Variants in MAML3 observed in about 807,000 individuals in gnomAD.
MAML3 encodes mastermind-like protein 3.
MAML3 carries 27 observed loss-of-function variants against 101.9 expected under a neutral mutation model. The observed-to-expected ratio is 0.27, with a 90% CI of 0.20 to 0.37. MAML3 has a LOEUF of 0.37. MAML3 is among the 10% of genes least tolerant of loss of function. The probability of loss-of-function intolerance (pLI) is 1.00; values close to 1 mark genes in which losing one functional copy is unlikely to be tolerated. For synonymous variants in MAML3, 501 were observed against 555.9 expected (o/e 0.90, Z 1.39); for missense variants, 1,316 against 1,444.9 (o/e 0.91, Z 1.45).
intron 2 of MAML3, among the ~76,000 whole-genome samples, chr4:139,781,531 A>ATAT (rs1578598228): frequency 6.7e-6 from 1 of 149,146 alleles, no homozygotes; most frequent in Admixed American, 6.7e-5. Flanking sequence ...ATATATATAT[A>ATAT]GTCTGTACAG....
At chr4:139,810,275 C>T (rs1730774219) in intron 2 of MAML3, among the ~76,000 whole-genome samples, 1 of 150,612 alleles carries the variant, frequency 6.6e-6, no homozygotes, top group Non-Finnish European at 1.5e-5. Context: ...TCGCTGCAGC[C>T]TCAAACTCCT....
chr4:140,126,763 G>A (rs889007936), intron 1 of MAML3, among the ~76,000 whole-genome samples: 15 of 152,184 alleles, frequency 9.9e-5, no homozygotes, highest in East Asian at 1.9e-4. Context: ...CCCATTAAAC[G>A]TCGCATGTCC....
chr4:140,106,555 T>TA (rs1420607926), intron 1 of MAML3, among the ~76,000 whole-genome samples: 1 of 152,216 alleles, frequency 6.6e-6, no homozygotes, highest in South Asian at 2.1e-4. Context: ...CTTTCTTATT[T>TA]AAAAAAATCA....
chr4:139,947,867 T>C (rs1162372823), intron 1 of MAML3, among the ~76,000 whole-genome samples: 3 of 152,096 alleles, frequency 2.0e-5, no homozygotes, highest in African/African-American at 7.2e-5. Flanking sequence ...TTTGGGATGC[T>C]GGGGTGGGCG....
At position 139,935,212 on chromosome 4, in the gene MAML3, T is replaced by C. The variant is rs1306501773; in HGVS notation, c.469-44245A>G. Among the ~76,000 whole-genome samples, 5 of 143,770 alleles carry C rather than the reference T, an allele frequency of 3.5e-5. 1 individual carries two copies. Among genetic ancestry groups the C allele is most frequent in the African/African-American group, 1.4e-4 (5 of 36,476 alleles). The allele number at this position is 143,770 out of a possible 152,430, so 94.3% of individuals were successfully genotyped here. On this transcript the variant is annotated intron_variant, in intron 1 of 4. Transcript: ENST00000509479. ...GTTACATGGCAACCATCAAGACACC[T>C]CTTTTTTTTTTTTTTTTCGGACTGA...
intron 1 of MAML3, among the ~76,000 whole-genome samples, chr4:139,954,780 G>A (rs1402398605): frequency 1.3e-5 from 2 of 152,054 alleles, no homozygotes; most frequent in South Asian, 2.1e-4. Context: ...TCAGCCTTTC[G>A]AGTATCTGGG....
At position 139,785,790 on chromosome 4, in the gene MAML3, C is replaced by T. The variant is rs1375487669; in HGVS notation, c.2080-55123G>A. ...CCTTGATTGGCAAGTGAGCAGGGGG[C>T]AGCTTGTGGTTTGGAAGCTTCTCAT... On this transcript the variant is annotated intron_variant, in intron 2 of 4. Coordinates refer to ENST00000509479, the MANE Select transcript of MAML3 (RefSeq NM_018717.5). This position sits in a 1 kb window ranked among gnomAD's most constrained non-coding sequence, Gnocchi z 4.3. 6.6e-6 allele frequency among the ~76,000 whole-genome samples: 1 copy of T among 152,084 alleles called. No homozygotes were observed. The highest frequency in any genetic ancestry group is 1.5e-5 in the Non-Finnish European group (1 of 68,026).
intron 2 of MAML3, among the ~76,000 whole-genome samples, chr4:139,865,283 A>T (rs1731874662): frequency 6.6e-6 from 1 of 152,146 alleles, no homozygotes; most frequent in Non-Finnish European, 1.5e-5. Flanking sequence ...TAGGGGATAC[A>T]ATAAGGTGGA....
intron 2 of MAML3, among the ~76,000 whole-genome samples, chr4:139,810,459 G>A (rs1004566063): frequency 6.6e-6 from 1 of 151,980 alleles, no homozygotes; most frequent in African/African-American, 2.4e-5. Flanking sequence ...CAAAGTGTTG[G>A]AATTACAGGC....
intron 2 of MAML3, among the ~76,000 whole-genome samples, chr4:139,758,237 G>A (rs1231002713): frequency 6.6e-6 from 1 of 152,160 alleles, no homozygotes; most frequent in African/African-American, 2.4e-5. Context: ...AGAGGCGTCT[G>A]CATTTCCTGA....
chr4:140,067,728 T>A (rs1408033030), intron 1 of MAML3, among the ~76,000 whole-genome samples: 1 of 121,956 alleles, frequency 8.2e-6, no homozygotes, highest in Non-Finnish European at 1.7e-5. Flanking sequence ...ATCTTAATCT[T>A]TTTTTTTTTT....
chr4:139,801,495 T>C (rs1730602340), intron 2 of MAML3, among the ~76,000 whole-genome samples: 1 of 152,070 alleles, frequency 6.6e-6, no homozygotes, highest in African/African-American at 2.4e-5. Flanking sequence ...GCATAAAACA[T>C]GGGCTGAGAA....
At chr4:139,868,767 G>T (rs1731948649) in intron 2 of MAML3, among the ~76,000 whole-genome samples, 1 of 151,682 alleles carries the variant, frequency 6.6e-6, no homozygotes, top group Non-Finnish European at 1.5e-5. Context: ...TGTGTCAAAA[G>T]AAATAGAATG....
rs185338440 is a variant in MAML3, at chr4:139,796,140, G to A, written c.2080-65473C>T. Among the ~76,000 whole-genome samples, 31 of 152,308 alleles carry A rather than the reference G, an allele frequency of 2.0e-4. No homozygotes were observed. The East Asian group carries it at 4.2e-3, about 21-fold the overall frequency. On this transcript the variant is annotated intron_variant, in intron 2 of 4. Coordinates refer to ENST00000509479, the MANE Select transcript of MAML3 (RefSeq NM_018717.5). ...ATTTCTGTAATTTTGTATAAACAAAGGATAAGATCTGTCTCTGACACTGGA... is the reference window on the plus strand; with the variant it reads ...ATTTCTGTAATTTTGTATAAACAAAAGATAAGATCTGTCTCTGACACTGGA...
chr4:139,808,930 G>A lies in MAML3; in HGVS notation c.2080-78263C>T, dbSNP rs191831295. Reference sequence around the variant, plus strand: ...AGCTAGTGGCAGTGGCACAGGGTGTGTTTGTGAGTGTGCATGTGTGTGTGT... The same window carrying A: ...AGCTAGTGGCAGTGGCACAGGGTGTATTTGTGAGTGTGCATGTGTGTGTGT... On this transcript the variant is annotated intron_variant, in intron 2 of 4. Transcript: ENST00000509479. Among the ~76,000 whole-genome samples the A allele has an allele frequency of 4.6e-5, 7 of 152,276 alleles. No individual in the cohort carries two copies. The East Asian group carries it at 7.7e-4, about 17-fold the overall frequency.
At chr4:139,790,366 A>G (rs1265069935) in intron 2 of MAML3, among the ~76,000 whole-genome samples, 3 of 150,842 alleles carry the variant, frequency 2.0e-5, no homozygotes, top group Non-Finnish European at 2.9e-5. Context: ...TTATGTACAG[A>G]ACAAACCACT....
At chr4:139,756,877 G>T (rs1171695343) in intron 2 of MAML3, among the ~76,000 whole-genome samples, 1 of 152,110 alleles carries the variant, frequency 6.6e-6, no homozygotes, top group African/African-American at 2.4e-5. Flanking sequence ...TTTTATGGAG[G>T]TTCTCTTAAC....
At chr4:140,069,278 C>T (rs183199864) in intron 1 of MAML3, among the ~76,000 whole-genome samples, 126 of 151,514 alleles carry the variant, frequency 8.3e-4, no homozygotes, top group Admixed American at 1.6e-3. Context: ...GTCAAGATTG[C>T]GCCACTGCAT....
rs747856178 is a variant in MAML3, at chr4:140,153,961, GA to G, written c.-635del. Reference sequence around the variant, plus strand: ...TAGATATCGAATCCTCGGGCTGGGGGAAGTAAACACATGGACAGTCCGAGGC... The same window carrying G: ...TAGATATCGAATCCTCGGGCTGGGGGAGTAAACACATGGACAGTCCGAGGC... On this transcript the variant is annotated 5_prime_UTR_variant, in exon 1 of 5. An upstream open reading frame in the 5' UTR loses its in-frame stop. Coordinates refer to ENST00000509479, the MANE Select transcript of MAML3 (RefSeq NM_018717.5). 1 of 153,636 alleles carries G rather than the reference GA, an allele frequency of 6.5e-6. No individual in the cohort carries two copies. Among genetic ancestry groups the G allele is most frequent in the Non-Finnish European group, 1.5e-5 (1 of 68,416 alleles). 9.5% of individuals were successfully genotyped at this position (153,636 alleles called of 1,614,324 possible). A position where few individuals can be genotyped will look rare whatever the true frequency, so the allele number is the denominator to read the frequency against.
Sources: gnomAD v4.1 joint callset for allele counts (sites outside exome capture counted in the v4.1 genomes callset) on GRCh38, gnomAD v4.1.1 for gene constraint, Gnocchi (gnomAD v3.1) non-coding constraint, MANE v1.5 for transcripts, NCBI Gene and HGNC (gene_info 2026-07-23, HGNC 2026-07-21) for gene names.